NDST3: variants seen among roughly 807,000 people sequenced by gnomAD.
The protein encoded by NDST3 is bifunctional heparan sulfate N-deacetylase/N-sulfotransferase 3.
A neutral mutation model predicts 96.1 loss-of-function variants in NDST3; 58 were observed. The ratio of observed to expected loss-of-function variants is 0.60; its 90% confidence interval spans 0.49 to 0.75. NDST3 has a LOEUF of 0.75. NDST3 is among the 30% of genes least tolerant of loss of function. The pLI is 0.00. For synonymous variants in NDST3, 333 were observed against 359.7 expected (o/e 0.93, Z 0.84); for missense variants, 788 against 1,034.2 (o/e 0.76, Z 3.27).
intron 2 of NDST3, among the ~76,000 whole-genome samples, chr4:118,097,355 CCTTA>C (rs1729397946): frequency 6.6e-6 from 1 of 151,882 alleles, no homozygotes; most frequent in South Asian, 2.1e-4. Context: ...TGAATTATTT[CCTTA>C]CTGTGTACCA....
chr4:118,050,405 T>C (rs1219600091), intron 1 of NDST3, among the ~76,000 whole-genome samples: 2 of 151,918 alleles, frequency 1.3e-5, no homozygotes, highest in Non-Finnish European at 2.9e-5. Flanking sequence ...AAATAAAGCA[T>C]CCAAATAGAA....
intron 9 of NDST3, among the ~76,000 whole-genome samples, chr4:118,235,989 A>G (rs936200063): frequency 1.3e-5 from 2 of 152,352 alleles, no homozygotes; most frequent in African/African-American, 4.8e-5. Flanking sequence ...TCAAAAATCT[A>G]TGAACATCTC....
At chr4:118,201,776 GC>G (rs773232697) in intron 6 of NDST3, among the ~76,000 whole-genome samples, 19 of 152,010 alleles carry the variant, frequency 1.2e-4, no homozygotes, top group Non-Finnish European at 2.6e-4. Context: ...TTGTGCAGAA[GC>G]TTTTTAGTTT....
intron 3 of NDST3, among the ~76,000 whole-genome samples, chr4:118,107,261 T>C (rs1280837634): frequency 1.3e-5 from 2 of 152,170 alleles, no homozygotes; most frequent in African/African-American, 4.8e-5. Flanking sequence ...AAGAAATCAC[T>C]CTAAATATTG....
At chr4:118,213,703 T>C (rs1331270164) in intron 6 of NDST3, among the ~76,000 whole-genome samples, 1 of 150,054 alleles carries the variant, frequency 6.7e-6, no homozygotes, top group Non-Finnish European at 1.5e-5. Context: ...AAATTTTATA[T>C]AAAAATAATT....
At chr4:118,216,342 A>G (rs1251214655) in intron 6 of NDST3, among the ~76,000 whole-genome samples, 2 of 152,160 alleles carry the variant, frequency 1.3e-5, no homozygotes, top group Admixed American at 6.6e-5. Context: ...AATTGTAAAT[A>G]AGAAATGATG....
intron 4 of NDST3, among the ~76,000 whole-genome samples, chr4:118,120,000 T>C (rs1247757974): frequency 1.3e-5 from 2 of 152,082 alleles, no homozygotes; most frequent in Admixed American, 6.6e-5. Context: ...TCAGTATATT[T>C]ATAAGGAAAA....
intron 2 of NDST3, among the ~76,000 whole-genome samples, chr4:118,066,242 ATATATAT>A (rs1211092610): frequency 1.9e-5 from 1 of 51,476 alleles, no homozygotes; most frequent in Non-Finnish European, 3.3e-5. Flanking sequence ...ATTATATATT[ATATATAT>A]TATATATTAT....
At chr4:118,086,253 T>C (rs1304623123) in intron 2 of NDST3, among the ~76,000 whole-genome samples, 1 of 152,196 alleles carries the variant, frequency 6.6e-6, no homozygotes, top group African/African-American at 2.4e-5. Context: ...GGGCTGTTTT[T>C]AATTTATGAA....
intron 2 of NDST3, among the ~76,000 whole-genome samples, chr4:118,074,023 T>C (rs2125805990): frequency 6.6e-6 from 1 of 152,300 alleles, no homozygotes; most frequent in Middle Eastern, 3.4e-3. Flanking sequence ...TGACTTAATT[T>C]CATTGTTTAC....
At chr4:118,124,978 C>T (rs992468442) in intron 4 of NDST3, among the ~76,000 whole-genome samples, 1 of 152,010 alleles carries the variant, frequency 6.6e-6, no homozygotes, top group African/African-American at 2.4e-5. Flanking sequence ...CTCACCTAAA[C>T]CTCAAGTTCC....
intron 6 of NDST3, among the ~76,000 whole-genome samples, chr4:118,157,216 T>C (rs1316007090): frequency 3.3e-5 from 5 of 152,062 alleles, no homozygotes; most frequent in Non-Finnish European, 7.4e-5. Context: ...ATATTGATAT[T>C]TACCTACTTG....
At chr4:118,055,430 T>A (rs772590773) in intron 2 of NDST3, 13 of 160,102 alleles carry the variant, frequency 8.1e-5, no homozygotes, top group Admixed American at 3.7e-4. Flanking sequence ...GCATATTTAT[T>A]CACATTTAAA....
intron 7 of NDST3, among the ~76,000 whole-genome samples, chr4:118,225,639 AC>A (rs1739826117): frequency 6.6e-6 from 1 of 152,198 alleles, no homozygotes. Flanking sequence ...TGATGGTAAA[AC>A]AATAACAATC....
intron 1 of NDST3, among the ~76,000 whole-genome samples, chr4:118,041,660 T>C (rs762223307): frequency 2.6e-5 from 4 of 152,230 alleles, no homozygotes; most frequent in African/African-American, 4.8e-5. Flanking sequence ...CTAGTGTGCT[T>C]GTTCTGTACT....
intron 1 of NDST3, among the ~76,000 whole-genome samples, chr4:118,053,008 G>A (rs1560608776): frequency 6.6e-6 from 1 of 151,826 alleles, no homozygotes; most frequent in Non-Finnish European, 1.5e-5. Context: ...GAAATAGAAT[G>A]GTATAGAAAG....
At position 118,168,815 on chromosome 4, in the gene NDST3, T is replaced by C. The variant is rs929539509; in HGVS notation, c.1539+25131T>C. Among the ~76,000 whole-genome samples the C allele has an allele frequency of 9.2e-5, 14 of 152,320 alleles. No individual in the cohort carries two copies. In the East Asian group the frequency reaches 2.3e-3, roughly 25 times the overall value. ...TGAAAAGAACAGGGAAATCCTGCTA[T>C]GTGTGACAACATGGATCAACATTGA... On this transcript the variant is annotated intron_variant, in intron 6 of 13. Transcript: ENST00000296499.
intron 2 of NDST3, among the ~76,000 whole-genome samples, chr4:118,104,283 G>C (rs549631328): frequency 1.1e-4 from 16 of 152,108 alleles, no homozygotes; most frequent in Non-Finnish European, 1.9e-4. Context: ...CCGTGTGTGT[G>C]TATGTGTATG....
intron 2 of NDST3, among the ~76,000 whole-genome samples, chr4:118,091,607 C>T (rs1199855750): frequency 1.3e-5 from 2 of 151,596 alleles, no homozygotes; most frequent in Non-Finnish European, 3.0e-5. Context: ...GCAGAGGATT[C>T]TCTACTCAGG....
Sources: gnomAD v4.1 joint callset for allele counts (sites outside exome capture counted in the v4.1 genomes callset) on GRCh38, gnomAD v4.1.1 for gene constraint, MANE v1.5 for transcripts, NCBI Gene and HGNC (gene_info 2026-07-23, HGNC 2026-07-21) for gene names.